PRDM9: variants seen among roughly 807,000 people sequenced by gnomAD.
PRDM9 encodes histone-lysine N-methyltransferase PRDM9.
In PRDM9, 47 loss-of-function variants were observed where a neutral mutation model predicts 55.6. The ratio of observed to expected loss-of-function variants is 0.85; its 90% confidence interval spans 0.67 to 1.08. The LOEUF (loss-of-function observed/expected upper bound fraction) is 1.08. Among genes scored for constraint, PRDM9 ranks in the 50% least tolerant of loss-of-function variants. The probability of loss-of-function intolerance (pLI) is 0.00; values close to 1 mark genes in which losing one functional copy is unlikely to be tolerated. For synonymous variants in PRDM9, 312 were observed against 375.7 expected, an observed-to-expected ratio of 0.83 and a Z score of 1.96; for missense variants, 867 against 1,040.3, an observed-to-expected ratio of 0.83 and a Z score of 2.29.
At chr5:23,511,238 A>T (rs1430982537) in intron 4 of PRDM9, among the ~76,000 whole-genome samples, 1 of 152,208 alleles carries the variant, frequency 6.6e-6, no homozygotes, top group Admixed American at 6.5e-5. Flanking sequence ...CAAAGGAAAA[A>T]GAATCTTCCC....
chr5:23,516,922 A>G (rs1739222134), intron 4 of PRDM9, among the ~76,000 whole-genome samples: 2 of 149,534 alleles, frequency 1.3e-5, no homozygotes, highest in Admixed American at 1.3e-4. Context: ...GCAGATCACG[A>G]GGTCAGGAGA....
In PRDM9 at chr5:23,527,735, A is replaced by C; in HGVS notation, c.2647A>C (p.Thr883Pro). 6.2e-7 allele frequency: 1 copy of C among 1,613,748 alleles called. No individual in the cohort carries two copies. Among genetic ancestry groups the C allele is most frequent in the Non-Finnish European group, 8.5e-7 (1 of 1,179,814 alleles). The change falls in exon 11 of 11, where the codon ACA becomes CCA. Residue 883 changes from threonine to proline, a missense_variant. This residue lies in a region of PRDM9 where 86 missense variants were observed against 73.6 expected (regional missense o/e 1.17). Coordinates refer to ENST00000296682, the MANE Select transcript of PRDM9 (RefSeq NM_020227.4). ...CCTCTGCTATCACCAGAGGACACAC[A>C]CAGGGGAGAAGCCCTACGTCTGCAG... ...SSLCYHQRTH[T>P]GEKPYVCRED...
In PRDM9 at chr5:23,522,639, C is replaced by T. The variant is rs780638681; in HGVS notation, c.636C>T (p.Phe212=). Residue 212 remains phenylalanine (F), a synonymous_variant, in exon 8 of 11, where the codon TTC becomes TTT. Coordinates refer to ENST00000296682, the MANE Select transcript of PRDM9 (RefSeq NM_020227.4). ...YLYCEMCQNF[F]IDSCAAHGPP... The stretch of plus-strand genomic sequence containing the variant: ...ATTGTGAGATGTGTCAGAACTTCTT[C>T]ATTGACAGCTGTGCTGCCCATGGGC... 1.2e-6 allele frequency: 2 copies of T among 1,614,238 alleles called. No homozygotes were observed. The highest frequency in any genetic ancestry group is 2.2e-5 in the East Asian group (1 of 44,880).
intron 10 of PRDM9, among the ~76,000 whole-genome samples, chr5:23,524,776 T>C (rs1411093110): frequency 6.6e-6 from 1 of 152,218 alleles, no homozygotes; most frequent in African/African-American, 2.4e-5. Flanking sequence ...CAGCATATAG[T>C]GCTGAAAGAC....
Position 23,526,383 on chromosome 5 carries a change from C to T in PRDM9, c.1295C>T (p.Pro432Leu), listed in dbSNP as rs1225780060. ...CTCCTCCAACCAGAGAATCCCTGCCCAGGGGATCAGAATCAGGAGCAGCAA... is the reference window on the plus strand; with the variant it reads ...CTCCTCCAACCAGAGAATCCCTGCCTAGGGGATCAGAATCAGGAGCAGCAA... ...RKLLQPENPC[P>L]GDQNQEQQYP... is the part of the protein sequence containing the mutation. The change falls in exon 11 of 11, where the codon CCA becomes CTA. Residue 432 changes from proline to leucine, a missense_variant. This residue lies in a region of PRDM9 where 662 missense variants were observed against 711.9 expected (regional missense o/e 0.93). Coordinates refer to ENST00000296682, the MANE Select transcript of PRDM9 (RefSeq NM_020227.4). 1 of 1,614,156 alleles carries T rather than the reference C, an allele frequency of 6.2e-7. No individual in the cohort carries two copies. Among genetic ancestry groups the T allele is most frequent in the Admixed American group, 1.7e-5 (1 of 60,022 alleles).
intron 6 of PRDM9, among the ~76,000 whole-genome samples, chr5:23,521,743 C>T (rs1739331787): frequency 6.6e-6 from 1 of 152,196 alleles, no homozygotes; most frequent in Non-Finnish European, 1.5e-5. Context: ...CTTATAAATT[C>T]TCTGAGCTCC....
chr5:23,512,745 C>T (rs1739124612), intron 4 of PRDM9, among the ~76,000 whole-genome samples: 1 of 152,118 alleles, frequency 6.6e-6, no homozygotes, highest in African/African-American at 2.4e-5. Flanking sequence ...TCTTGCATGA[C>T]TAAAACCCTA....
Position 23,522,416 on chromosome 5 carries a change from C to T in PRDM9, c.610+11C>T, listed in dbSNP as rs769333660. Reference sequence around the variant, plus strand: ...ATGATGATTACCTCTGTAAGTGACACTTTTGGCCACTCACACAGCTTGCTG... The same window carrying T: ...ATGATGATTACCTCTGTAAGTGACATTTTTGGCCACTCACACAGCTTGCTG... On this transcript the variant is annotated intron_variant, in intron 7 of 10. Transcript: ENST00000296682. 7 of 1,607,500 alleles carry T rather than the reference C, an allele frequency of 4.4e-6. No individual in the cohort carries two copies. In the South Asian group the frequency reaches 5.5e-5, roughly 13 times the overall value.
intron 1 of PRDM9, among the ~76,000 whole-genome samples, chr5:23,508,221 C>A (rs530525411): frequency 6.6e-6 from 1 of 152,196 alleles, no homozygotes; most frequent in South Asian, 2.1e-4. Flanking sequence ...CCCCAAATCC[C>A]CTTAACCTGA....
Position 23,526,374 on chromosome 5 carries a change from A to T in PRDM9, c.1286A>T (p.Asn429Ile). ...PSARKLLQPENPCPGDQNQEQ... is the reference protein window; with the variant it reads ...PSARKLLQPEIPCPGDQNQEQ... The stretch of plus-strand genomic sequence containing the variant: ...GCAAGAAAACTCCTCCAACCAGAGA[A>T]TCCCTGCCCAGGGGATCAGAATCAG... The change falls in exon 11 of 11, where the codon AAT becomes ATT. Residue 429 changes from asparagine to isoleucine, a missense_variant. By Grantham distance (149) the Asn-to-Ile change is moderately radical. Coordinates refer to ENST00000296682, the MANE Select transcript of PRDM9 (RefSeq NM_020227.4). 1 of 1,614,212 alleles carries T rather than the reference A, an allele frequency of 6.2e-7. No homozygotes were observed. Among genetic ancestry groups the T allele is most frequent in the Middle Eastern group, 1.6e-4 (1 of 6,062 alleles).
At position 23,509,519 on chromosome 5, in the gene PRDM9, G is replaced by T; in HGVS notation, c.119G>T (p.Trp40Leu). The change falls in exon 3 of 11, where the codon TGG becomes TTG. Residue 40 changes from tryptophan (W) to leucine (L), a missense_variant. Transcript: ENST00000296682. ...DISIYFTKEE[W>L]AEMGDWEKTR... is the part of the protein sequence containing the mutation. ...TCCATATACTTCACCAAGGAAGAAT[G>T]GGCAGAGATGGGAGACTGGGAGAAA... 1 of 1,614,170 alleles carries T rather than the reference G, an allele frequency of 6.2e-7. No homozygotes were observed. Among genetic ancestry groups the T allele is most frequent in the Middle Eastern group, 1.6e-4 (1 of 6,062 alleles).
chr5:23,515,903 G>A (rs1739200823), intron 4 of PRDM9, among the ~76,000 whole-genome samples: 1 of 152,180 alleles, frequency 6.6e-6, no homozygotes, highest in Non-Finnish European at 1.5e-5. Flanking sequence ...ACACTTTTCT[G>A]ATCGCTGTAG....
chr5:23,526,751 A>C lies in PRDM9; in HGVS notation c.1663A>C (p.Arg555=), dbSNP rs1739449185. 6.3e-7 allele frequency: 1 copy of C among 1,598,304 alleles called. No individual in the cohort carries two copies. The change falls in exon 11 of 11, where the codon AGG becomes CGG. Residue 555 remains arginine, a synonymous_variant. Transcript: ENST00000296682. ...TACAGGGGAGAAGCTCTACGTCTGC[A>C]GGGAGTGTGGGCGGGGCTTTAGCTG... ...THTGEKLYVC[R]ECGRGFSWKS...
At position 23,511,337 on chromosome 5, in the gene PRDM9, GTTGTTT is replaced by G. The variant is rs529702253; in HGVS notation, c.301+1332_301+1337del. Reference sequence around the variant, plus strand: ...TCATATAACGTTTGTTTGTTTGTTTGTTGTTTTTGTTTTTGTTTTTGTTTTTGAGAT... The same window carrying G: ...TCATATAACGTTTGTTTGTTTGTTTGTTGTTTTTGTTTTTGTTTTTGAGAT... On this transcript the variant is annotated intron_variant, in intron 4 of 10. Transcript: ENST00000296682. Among the ~76,000 whole-genome samples, 83 of 151,156 alleles carry G rather than the reference GTTGTTT, an allele frequency of 5.5e-4. No homozygotes were observed. The South Asian group carries it at 5.8e-3, about 11-fold the overall frequency.
intron 7 of PRDM9, 28 bp downstream of exon 7, chr5:23,522,433 A>G (rs1433957903): frequency 1.3e-6 from 2 of 1,598,550 alleles, no homozygotes; most frequent in African/African-American, 2.7e-5. Flanking sequence ...CCACTCACAC[A>G]GCTTGCTGTT....
At chr5:23,524,575 T>A (rs1561021757) in intron 10 of PRDM9, 48 bp downstream of exon 10, 1 of 1,610,896 alleles carries the variant, frequency 6.2e-7, no homozygotes. Context: ...GAAAGAATTA[T>A]CCTAGAGAAT....
chr5:23,524,672 T>C (rs2126431866), intron 10 of PRDM9, 145 bp downstream of exon 10: 2 of 1,187,004 alleles, frequency 1.7e-6, no homozygotes, highest in Non-Finnish European at 2.4e-6. Context: ...TAAACATTCA[T>C]GTTATATACC....
intron 4 of PRDM9, among the ~76,000 whole-genome samples, chr5:23,510,635 A>ATGG (rs1010499198): frequency 1.3e-5 from 2 of 149,374 alleles, no homozygotes; most frequent in Non-Finnish European, 3.0e-5. Context: ...TGGGATGATG[A>ATGG]TGATGATGAT....
In PRDM9 at chr5:23,526,334, T is replaced by G. The variant is rs768708805; in HGVS notation, c.1246T>G (p.Phe416Val). 1.5e-5 allele frequency: 24 copies of G among 1,614,136 alleles called. No homozygotes were observed. The highest frequency in any genetic ancestry group is 2.0e-5 in the Non-Finnish European group (24 of 1,180,022). Residue 416 changes from phenylalanine (F) to valine (V), a missense_variant, in exon 11 of 11, where the codon TTC becomes GTC. By Grantham distance (50) the Phe-to-Val change is conservative (BLOSUM62 -1). Around this residue, in one of 5 missense-constraint regions of PRDM9, gnomAD observed 662 missense variants for 711.9 expected, o/e 0.93. Transcript: ENST00000296682. ...AGAACGCAATCACTCCTCTCAGAAC[T>G]TCCCAGGACCATCTGCAAGAAAACT... ...HVERNHSSQN[F>V]PGPSARKLLQ...
Sources: gnomAD v4.1 joint callset for allele counts (sites outside exome capture counted in the v4.1 genomes callset) on GRCh38, gnomAD v4.1.1 for gene constraint, gnomAD v4.1.1 regional missense constraint, MANE v1.5 for transcripts, NCBI Gene and HGNC (gene_info 2026-07-23, HGNC 2026-07-21) for gene names.